Variants in CERS4 observed in about 807,000 individuals in gnomAD.
CERS4 encodes the protein ceramide synthase 4, also known as LAG1 homolog, ceramide synthase 4.
Under a neutral mutation model 51.8 loss-of-function variants are expected in CERS4, and 65 were observed. The ratio of observed to expected loss-of-function variants is 1.26; its 90% CI spans 1.03 to 1.54. CERS4 has a LOEUF of 1.54. Among genes scored for constraint, CERS4 ranks in the 40% most tolerant of loss-of-function variants. The pLI, the probability that CERS4 is intolerant of heterozygous loss-of-function variation, is 0.00. For missense variants in CERS4, 563 were observed against 500.4 expected (o/e 1.13, Z -1.19); for synonymous variants, 228 against 208.4 (o/e 1.09, Z -0.81).
At chr19:8,230,790 C>T (rs895785823) in intron 2 of CERS4, among the ~76,000 whole-genome samples, 1 of 152,052 alleles carries the variant, frequency 6.6e-6, no homozygotes, top group Non-Finnish European at 1.5e-5. Context: ...TTTTAAATTT[C>T]AGATTGTGTA....
chr19:8,256,767 G>GT, intron 8 of CERS4, 57 bp downstream of exon 8: 2 of 1,580,472 alleles, frequency 1.3e-6, no homozygotes, highest in Non-Finnish European at 1.7e-6. Context: ...CTGGGGTGCT[G>GT]GGGGGTAGGG....
At chr19:8,225,131 C>G (rs1225711207) in intron 2 of CERS4, 1 of 152,202 alleles carries the variant, frequency 6.6e-6, no homozygotes, top group East Asian at 1.9e-4. Context: ...GTGAGGGGAT[C>G]CAGGACTGGC....
intron 2 of CERS4, among the ~76,000 whole-genome samples, chr19:8,232,173 G>A (rs1568509867): frequency 6.6e-6 from 1 of 151,854 alleles, no homozygotes; most frequent in Non-Finnish European, 1.5e-5. Context: ...CCAATGAATA[G>A]CAATAAAAAT....
chr19:8,257,517 T>C (rs928727078), intron 9 of CERS4, among the ~76,000 whole-genome samples: 4 of 152,190 alleles, frequency 2.6e-5, no homozygotes, highest in African/African-American at 9.6e-5. Context: ...CTGCAACCTC[T>C]GCCTCCCAGG....
At chr19:8,230,607 TTAG>T (rs2145206782) in intron 2 of CERS4, among the ~76,000 whole-genome samples, 1 of 152,320 alleles carries the variant, frequency 6.6e-6, no homozygotes, top group East Asian at 1.9e-4. Flanking sequence ...AGTGTGCAAC[TTAG>T]TAGTATTCAG....
At position 8,245,127 on chromosome 19, in the gene CERS4, A is replaced by ACAAAAAAACAAAAC. The variant is rs1198999411; in HGVS notation, c.-1-5949_-1-5948insCAAAAAAACAAAAC. Among the ~76,000 whole-genome samples, 112 of 142,278 alleles carry ACAAAAAAACAAAAC rather than the reference A, an allele frequency of 7.9e-4. 1 individual carries two copies. The highest frequency in any genetic ancestry group is 7.0e-3 in the Middle Eastern group (2 of 284). The allele number at this position is 142,278 out of a possible 152,430, so 93.3% of individuals were successfully genotyped here. On this transcript the variant is annotated intron_variant, in intron 2 of 11. Transcript: ENST00000251363. Reference sequence around the variant, plus strand: ...ACTCCATCTCAAAAAAAAAAAAAAAAAAAAAAAACACTCTTGGCTTCAAGC... The same window carrying ACAAAAAAACAAAAC: ...ACTCCATCTCAAAAAAAAAAAAAAAACAAAAAAACAAAACAAAAAAAACACTCTTGGCTTCAAGC...
At chr19:8,226,728 C>T (rs180763951) in intron 2 of CERS4, among the ~76,000 whole-genome samples, 6 of 152,244 alleles carry the variant, frequency 3.9e-5, no homozygotes, top group Admixed American at 1.3e-4. Context: ...CACAGTGGCT[C>T]ACGCCTGTAA....
chr19:8,214,771 T>G (rs1313674548), intron 2 of CERS4, among the ~76,000 whole-genome samples: 1 of 151,884 alleles, frequency 6.6e-6, no homozygotes, highest in African/African-American at 2.4e-5. Context: ...AGAGGAGGAC[T>G]ACGCAGTGGC....
intron 2 of CERS4, among the ~76,000 whole-genome samples, chr19:8,246,226 G>C (rs1968782187): frequency 6.6e-6 from 1 of 152,112 alleles, no homozygotes; most frequent in South Asian, 2.1e-4. Flanking sequence ...GATTAGTCAG[G>C]TACATAGTTT....
Position 8,256,604 on chromosome 19 carries a change from C to G in CERS4, c.520-14C>G. ...TTCGCTCCCCACAGCTAACCTTGTC[C>G]TGTCCTGCTGCAGACTCTGAAGCCA... On this transcript the variant is annotated splice_polypyrimidine_tract_variant and intron_variant, in intron 7 of 11. Transcript: ENST00000251363. 6.2e-7 allele frequency: 1 copy of G among 1,606,588 alleles called. No homozygotes were observed. Among genetic ancestry groups the G allele is most frequent in the Non-Finnish European group, 8.5e-7 (1 of 1,176,896 alleles).
chr19:8,220,027 C>T (rs1340307082), intron 2 of CERS4, among the ~76,000 whole-genome samples: 1 of 151,754 alleles, frequency 6.6e-6, no homozygotes, highest in Non-Finnish European at 1.5e-5. Context: ...TACCTGGGGA[C>T]CCTGGAGCTC....
chr19:8,228,102 C>T (rs1345425566), intron 2 of CERS4, among the ~76,000 whole-genome samples: 6 of 151,978 alleles, frequency 3.9e-5, no homozygotes, highest in Admixed American at 3.3e-4. Flanking sequence ...CCTCATGATC[C>T]GTCCATTTCG....
chr19:8,242,920 G>T (rs1018861212), intron 2 of CERS4, among the ~76,000 whole-genome samples: 1 of 152,070 alleles, frequency 6.6e-6, no homozygotes, highest in Admixed American at 6.6e-5. Flanking sequence ...TGACTTGAAT[G>T]TACCAAGGTG....
rs761265090 is a variant in CERS4, at chr19:8,256,252, C to T, written c.485C>T (p.Ala162Val). The T allele has an allele frequency of 2.3e-5, 37 of 1,613,140 alleles. No homozygotes were observed. The Admixed American group carries it at 5.8e-4, about 25-fold the overall frequency. ...SVLYHESWLW[A>V]PVMCWDRYPN... ...TCCCTGCAGGAGTCATGGCTGTGGG[C>T]ACCAGTAATGTGCTGGGACAGGTAC... Residue 162 changes from alanine to valine, a missense_variant, in exon 7 of 12, where the codon GCA becomes GTA. Transcript: ENST00000251363.
At chr19:8,257,318 T>C (rs141052635) in intron 9 of CERS4, among the ~76,000 whole-genome samples, 1,582 of 152,194 alleles carry the variant, frequency 0.01, 28 homozygotes, top group African/African-American at 0.036. Context: ...GCCCCCGCCT[T>C]CTCAGCTTCC....
At chr19:8,254,642 C>T (rs765019737) in intron 4 of CERS4, 26 bp downstream of exon 4, 15 of 1,573,392 alleles carry the variant, frequency 9.5e-6, no homozygotes, top group African/African-American at 2.7e-5. Flanking sequence ...GCCCTCCGAC[C>T]CGCACTACTG....
At chr19:8,212,446 C>A (rs186948431) in intron 2 of CERS4, among the ~76,000 whole-genome samples, 1 of 152,036 alleles carries the variant, frequency 6.6e-6, no homozygotes, top group Admixed American at 6.6e-5. Flanking sequence ...TGCTAGACAC[C>A]CAGGTGGTAC....
intron 2 of CERS4, among the ~76,000 whole-genome samples, chr19:8,240,067 G>C (rs1348084010): frequency 6.6e-6 from 1 of 152,102 alleles, no homozygotes; most frequent in Non-Finnish European, 1.5e-5. Context: ...AAGTCTTCTT[G>C]GAGGAGGTGA....
chr19:8,216,155 G>T (rs1178320197), intron 2 of CERS4, among the ~76,000 whole-genome samples: 1 of 152,022 alleles, frequency 6.6e-6, no homozygotes, highest in Non-Finnish European at 1.5e-5. Context: ...GAGGTGGGCA[G>T]ATCACCTGAG....
Sources: gnomAD v4.1 joint callset for allele counts (sites outside exome capture counted in the v4.1 genomes callset) on GRCh38, gnomAD v4.1.1 for gene constraint, MANE v1.5 for transcripts, NCBI Gene and HGNC (gene_info 2026-07-23, HGNC 2026-07-21) for gene names.